The following PAX8 variants were observed in gnomAD, a reference collection of about 807,000 sequenced individuals.
The protein encoded by PAX8 is paired box protein Pax-8.
In PAX8, 15 loss-of-function variants were observed where a neutral mutation model predicts 52.4. The observed-to-expected ratio is 0.29, with a 90% CI of 0.19 to 0.44. The LOEUF (loss-of-function observed/expected upper bound fraction) is 0.44. Among genes scored for constraint, PAX8 ranks in the 20% least tolerant of loss-of-function variants. The probability of loss-of-function intolerance (pLI) is 1.00; values close to 1 mark genes in which losing one functional copy is unlikely to be tolerated. For synonymous variants in PAX8, 284 were observed against 249.7 expected (o/e 1.14, Z -1.29); for missense variants, 554 against 602.5 (o/e 0.92, Z 0.84).
chr2:113,224,823 AT>A (rs1372721315), intron 10 of PAX8, among the ~76,000 whole-genome samples: 2 of 143,538 alleles, frequency 1.4e-5, no homozygotes, highest in African/African-American at 5.5e-5. Context: ...AAATAAAAAA[AT>A]AAAATAAAAT....
chr2:113,247,130 G>A (rs992934834), intron 2 of PAX8, among the ~76,000 whole-genome samples: 1 of 152,216 alleles, frequency 6.6e-6, no homozygotes, highest in Non-Finnish European at 1.5e-5. Flanking sequence ...CATCCCCCAC[G>A]ATGGGATGGT....
chr2:113,226,318 A>G, intron 10 of PAX8: 1 of 984,990 alleles, frequency 1.0e-6, no homozygotes, highest in African/African-American at 1.7e-5. Context: ...CTTTCCAGAA[A>G]CTCCAGGTCC....
chr2:113,254,773 C>T lies in PAX8; in HGVS notation c.26-7854G>A, dbSNP rs117339932. 1.0e-3 allele frequency among the ~76,000 whole-genome samples: 154 copies of T among 152,296 alleles called. 1 individual carries two copies. In the East Asian group the frequency reaches 0.024, roughly 24 times the overall value. Reference sequence around the variant, plus strand: ...AACACAGAATTGCTTGCCATTCTTTCGCTGCATCTGAATCCTCTCCTGGGT... The same window carrying T: ...AACACAGAATTGCTTGCCATTCTTTTGCTGCATCTGAATCCTCTCCTGGGT... On this transcript the variant is annotated intron_variant, in intron 2 of 11. Coordinates refer to ENST00000429538, the MANE Select transcript of PAX8 (RefSeq NM_003466.4).
rs180769255 is a variant in PAX8, at chr2:113,264,921, G to A, written c.25+13449C>T. Among the ~76,000 whole-genome samples the A allele has an allele frequency of 4.1e-3, 632 of 152,326 alleles. 7 individuals carry two copies. Among genetic ancestry groups the A allele is most frequent in the South Asian group, 0.034 (166 of 4,818 alleles). ...TTTGGAAACAATGACTAGCTGGCTG[G>A]AACATGGGTTTGCATACGGAAATAG... On this transcript the variant is annotated intron_variant, in intron 2 of 11. Coordinates refer to ENST00000429538, the MANE Select transcript of PAX8 (RefSeq NM_003466.4).
In PAX8 at chr2:113,250,350, G is replaced by A. The variant is rs369771887; in HGVS notation, c.26-3431C>T. On this transcript the variant is annotated intron_variant, in intron 2 of 11. Transcript: ENST00000429538. ...AAACAAATCTTGCTATAAATGTAACGTTTTTCTAATTTGTAATATTCCCAT... is the reference window on the plus strand; with the variant it reads ...AAACAAATCTTGCTATAAATGTAACATTTTTCTAATTTGTAATATTCCCAT... Among the ~76,000 whole-genome samples, 10 of 152,136 alleles carry A rather than the reference G, an allele frequency of 6.6e-5. No individual in the cohort carries two copies. The East Asian group carries it at 9.6e-4, about 15-fold the overall frequency.
chr2:113,227,528 A>T (rs1689655505), intron 9 of PAX8, among the ~76,000 whole-genome samples: 2 of 152,124 alleles, frequency 1.3e-5, no homozygotes. Context: ...TGTTTACGTG[A>T]TTGTTATCTT....
At chr2:113,230,486 C>T (rs1209060796) in intron 9 of PAX8, 1 of 152,242 alleles carries the variant, frequency 6.6e-6, no homozygotes, top group African/African-American at 2.4e-5. Flanking sequence ...CCCCTGTACT[C>T]TACGATTTTT....
At chr2:113,274,072 T>C (rs1333511365) in intron 2 of PAX8, 8 of 152,180 alleles carry the variant, frequency 5.3e-5, no homozygotes, top group Non-Finnish European at 1.2e-4. Flanking sequence ...AATGTGGGAA[T>C]GCTTTCCTAT....
rs1002194625 is a variant in PAX8, at chr2:113,241,844, CG to C, written c.602-119del. ...GTGGAGGGAGAAAAAGGGCCAGCCA[CG>C]TGGGCCCAGGAGCCTTGGCCAACTG... On this transcript the variant is annotated intron_variant, in intron 6 of 11. Transcript: ENST00000429538. 3.4e-6 allele frequency: 5 copies of C among 1,463,740 alleles called. No individual in the cohort carries two copies. In the Admixed American group the frequency reaches 8.8e-5, roughly 26 times the overall value. 90.7% of individuals were successfully genotyped at this position (1,463,740 alleles called of 1,614,324 possible).
chr2:113,225,862 C>T (rs1224838687), intron 10 of PAX8: 8 of 973,546 alleles, frequency 8.2e-6, no homozygotes, highest in Non-Finnish European at 9.8e-6. Flanking sequence ...GATTGAGAGG[C>T]CCCATTATCC....
intron 10 of PAX8, 75 bp from the exon 11 acceptor site, chr2:113,220,253 C>A: frequency 8.6e-7 from 1 of 1,158,504 alleles, no homozygotes; most frequent in Admixed American, 1.8e-5. Flanking sequence ...GGAAGGTCTG[C>A]AGGGCTGGCA....
intron 5 of PAX8, 150 bp from the exon 6 acceptor site, chr2:113,242,280 G>A: frequency 1.5e-6 from 1 of 656,706 alleles, no homozygotes; most frequent in South Asian, 1.8e-5. Flanking sequence ...TACAGCCCTG[G>A]GGTGACTCTG....
chr2:113,241,824 G>A (rs779530375), intron 6 of PAX8, 98 bp from the exon 7 acceptor site: 3 of 1,505,624 alleles, frequency 2.0e-6, no homozygotes, highest in Non-Finnish European at 2.8e-6. Flanking sequence ...TCACTGTGGA[G>A]GGAGAAAAAG....
At chr2:113,274,569 A>T (rs572489717) in intron 2 of PAX8, 2 of 151,536 alleles carry the variant, frequency 1.3e-5, no homozygotes, top group Admixed American at 1.3e-4. Context: ...TTTTCTCCTT[A>T]TTCTTTCACT....
At chr2:113,235,668 G>C (rs1690228695) in intron 8 of PAX8, 86 bp from the exon 9 acceptor site, 2 of 1,142,242 alleles carry the variant, frequency 1.8e-6, no homozygotes, top group South Asian at 2.9e-5. Flanking sequence ...GGGATGTGGA[G>C]GGTGCGGGCG....
intron 6 of PAX8, 64 bp from the exon 7 acceptor site, chr2:113,241,790 G>A: frequency 6.4e-7 from 1 of 1,574,654 alleles, no homozygotes; most frequent in Non-Finnish European, 8.7e-7. Context: ...CTAGGCCAAA[G>A]TAGAGGACTG....
chr2:113,251,906 T>G (rs533852001), intron 2 of PAX8, among the ~76,000 whole-genome samples: 17 of 152,358 alleles, frequency 1.1e-4, no homozygotes, highest in African/African-American at 2.9e-4. Context: ...TATGAGTTAC[T>G]CAAAGGCAGG....
chr2:113,259,996 C>T (rs1268220740), intron 2 of PAX8, among the ~76,000 whole-genome samples: 1 of 152,188 alleles, frequency 6.6e-6, no homozygotes, highest in Non-Finnish European at 1.5e-5. Flanking sequence ...ACTACACCCT[C>T]AACTCCCCCT....
At chr2:113,223,101 A>G (rs571472297) in intron 10 of PAX8, among the ~76,000 whole-genome samples, 1 of 152,268 alleles carries the variant, frequency 6.6e-6, no homozygotes, top group South Asian at 2.1e-4. Context: ...TCAGACACAC[A>G]TGATGTACCT....
Sources: allele counts gnomAD v4.1 joint callset (sites outside exome capture counted in the v4.1 genomes callset), GRCh38; gene constraint gnomAD v4.1.1; transcripts MANE v1.5; gene names NCBI Gene and HGNC (gene_info 2026-07-23, HGNC 2026-07-21).